Variants in HERC6 observed in about 807,000 individuals in gnomAD.
HERC6 encodes the protein HECT and RLD domain containing E3 ubiquitin protein ligase family member 6.
A neutral mutation model predicts 114.5 loss-of-function variants in HERC6; 101 were observed. The observed-to-expected ratio is 0.88, with a 90% CI of 0.75 to 1.04. The LOEUF (loss-of-function observed/expected upper bound fraction) is 1.04. HERC6 is among the 50% of genes least tolerant of loss of function. HERC6 has a pLI of 0.00. For synonymous variants in HERC6, 408 were observed against 436.2 expected, an observed-to-expected ratio of 0.94 and a Z score of 0.81; for missense variants, 1,133 against 1,230.9, an observed-to-expected ratio of 0.92 and a Z score of 1.19.
chr4:88,403,577 A>G (rs1477469910), intron 8 of HERC6, among the ~76,000 whole-genome samples: 1 of 151,954 alleles, frequency 6.6e-6, no homozygotes, highest in Non-Finnish European at 1.5e-5. Context: ...ACGCGGTGAA[A>G]CCCCGTCTCT....
chr4:88,431,367 T>A (rs1738187914), intron 17 of HERC6, 62 bp downstream of exon 17: 17 of 1,519,764 alleles, frequency 1.1e-5, no homozygotes, highest in Non-Finnish European at 1.5e-5. Context: ...TACTGCAACA[T>A]TAACACCATA....
chr4:88,384,927 G>A (rs747593566), intron 2 of HERC6, among the ~76,000 whole-genome samples: 1 of 152,118 alleles, frequency 6.6e-6, no homozygotes, highest in African/African-American at 2.4e-5. Flanking sequence ...GGAGGCTGAG[G>A]CAGTAGAATT....
At chr4:88,408,383 A>G in intron 10 of HERC6, 141 bp from the exon 11 acceptor site, 1 of 669,654 alleles carries the variant, frequency 1.5e-6, no homozygotes, top group Non-Finnish European at 2.7e-6. Context: ...TATGTCAAGT[A>G]AGTTGATTAT....
intron 3 of HERC6, among the ~76,000 whole-genome samples, chr4:88,385,870 G>A (rs1734549808): frequency 6.6e-6 from 1 of 152,112 alleles, no homozygotes; most frequent in Admixed American, 6.6e-5. Context: ...TATGCTGAAT[G>A]GCCTGTCCAC....
intron 5 of HERC6, among the ~76,000 whole-genome samples, chr4:88,394,832 A>G (rs1735141242): frequency 6.6e-6 from 1 of 152,212 alleles, no homozygotes; most frequent in Admixed American, 6.5e-5. Flanking sequence ...GGCATGAGCC[A>G]CTGCGCCCGG....
At chr4:88,381,654 T>G (rs1346295909) in intron 1 of HERC6, among the ~76,000 whole-genome samples, 1 of 150,524 alleles carries the variant, frequency 6.6e-6, no homozygotes, top group Non-Finnish European at 1.5e-5. Flanking sequence ...GCCTCCCCAG[T>G]TCAAACGGTT....
At chr4:88,400,261 C>A (rs930808968) in intron 8 of HERC6, among the ~76,000 whole-genome samples, 2 of 152,200 alleles carry the variant, frequency 1.3e-5, no homozygotes, top group Non-Finnish European at 2.9e-5. Flanking sequence ...GTTACCCAGG[C>A]TGGAGTCTTG....
At position 88,440,251 on chromosome 4, in the gene HERC6, G is replaced by A. The variant is rs373584413; in HGVS notation, c.2842+1G>A. ...TTGGATGAAAAGAAAAAATTCCTCT[G>A]TAAGTACTGTGGTACTAGATGGACA... On this transcript the variant is annotated splice_donor_variant, in intron 22 of 22. Coordinates refer to ENST00000264346, the MANE Select transcript of HERC6 (RefSeq NM_017912.4). LOFTEE classifies it high-confidence loss of function. 3 of 1,496,188 alleles carry A rather than the reference G, an allele frequency of 2.0e-6. No homozygotes were observed. Among genetic ancestry groups the A allele is most frequent in the African/African-American group, 1.4e-5 (1 of 72,412 alleles). The allele number at this position is 1,496,188 out of a possible 1,614,324, so 92.7% of individuals were successfully genotyped here. A position where few individuals can be genotyped will look rare whatever the true frequency, so the allele number is the denominator to read the frequency against.
chr4:88,407,441 C>T (rs751254018), intron 10 of HERC6, among the ~76,000 whole-genome samples: 7 of 152,078 alleles, frequency 4.6e-5, no homozygotes, highest in Admixed American at 6.6e-5. Context: ...TGTGCTGTTG[C>T]CCACGCTGTA....
chr4:88,442,146 C>G, intron 22 of HERC6, 88 bp from the exon 23 acceptor site: 1 of 901,124 alleles, frequency 1.1e-6, no homozygotes, highest in African/African-American at 1.7e-5. Context: ...TCAATAAATA[C>G]TTACTGAATG....
intron 8 of HERC6, among the ~76,000 whole-genome samples, chr4:88,400,309 C>T (rs886703076): frequency 5.3e-5 from 8 of 152,102 alleles, no homozygotes; most frequent in Non-Finnish European, 1.2e-4. Flanking sequence ...TTAAGCCATC[C>T]TCTCGCCTCA....
intron 22 of HERC6, among the ~76,000 whole-genome samples, chr4:88,441,653 A>G (rs1235996168): frequency 6.6e-6 from 1 of 152,166 alleles, no homozygotes; most frequent in Non-Finnish European, 1.5e-5. Flanking sequence ...TTTCTTCTTG[A>G]TATTTTTGTT....
At chr4:88,438,074 C>T (rs1738942521) in intron 20 of HERC6, among the ~76,000 whole-genome samples, 2 of 132,286 alleles carry the variant, frequency 1.5e-5, no homozygotes, top group South Asian at 2.4e-4. Context: ...TGCAGTGAGC[C>T]GGGATTGCGC....
intron 20 of HERC6, among the ~76,000 whole-genome samples, chr4:88,438,260 T>G (rs1355731104): frequency 1.3e-5 from 2 of 152,108 alleles, no homozygotes; most frequent in Non-Finnish European, 2.9e-5. Flanking sequence ...CCTTTGTAGC[T>G]CTTTTTACTA....
chr4:88,380,374 T>A (rs28581211), intron 1 of HERC6, among the ~76,000 whole-genome samples: 6 of 18,972 alleles, frequency 3.2e-4, no homozygotes, highest in Non-Finnish European at 4.1e-4. Flanking sequence ...AATATATAAA[T>A]ATATATATAT....
intron 22 of HERC6, 44 bp from the exon 23 acceptor site, chr4:88,442,190 A>G: frequency 4.5e-6 from 6 of 1,344,700 alleles, no homozygotes; most frequent in Non-Finnish European, 6.3e-6. Context: ...ATTATGTTTT[A>G]CTCTTTCTAT....
intron 4 of HERC6, 117 bp from the exon 5 acceptor site, chr4:88,393,371 A>T (rs1342109273): frequency 4.5e-6 from 2 of 440,096 alleles, no homozygotes; most frequent in Non-Finnish European, 7.8e-6. Flanking sequence ...GAATTATAAG[A>T]ATAATAAAAT....
rs764743783 is a variant in HERC6, at chr4:88,398,158, A to C, written c.1041A>C (p.Gln347His). ...LISAEDFVDV[Q>H]VKHIFAGTYA... The stretch of plus-strand genomic sequence containing the variant: ...TTCTTTTAGACTTCGTGGATGTTCA[A>C]GTCAAACACATTTTTGCTGGAACAT... The change falls in exon 8 of 23, where the codon CAA (glutamine) becomes CAC (histidine). Residue 347 changes from glutamine to histidine, a missense_variant. Gln to His is a conservative substitution (Grantham distance 24, BLOSUM62 0). This residue lies in a region of HERC6 where 735 missense variants were observed against 754.0 expected (regional missense o/e 0.97). Coordinates refer to ENST00000264346, the MANE Select transcript of HERC6 (RefSeq NM_017912.4). The C allele has an allele frequency of 6.3e-6, 10 of 1,596,512 alleles. No homozygotes were observed. The African/African-American group carries it at 8.1e-5, about 13-fold the overall frequency.
Position 88,442,767 on chromosome 4 carries a change from A to C in HERC6, c.*307A>C. 2.7e-6 allele frequency: 1 copy of C among 367,872 alleles called. No homozygotes were observed. The highest frequency in any genetic ancestry group is 5.1e-6 in the Non-Finnish European group (1 of 196,844). The allele number at this position is 367,872 out of a possible 1,614,324, so 22.8% of individuals were successfully genotyped here. A position where few individuals can be genotyped will look rare whatever the true frequency, so the allele number is the denominator to read the frequency against. On this transcript the variant is annotated 3_prime_UTR_variant, in exon 23 of 23. Coordinates refer to ENST00000264346, the MANE Select transcript of HERC6 (RefSeq NM_017912.4). ...TCATTTGCATAAGGTATCAAACCAC[A>C]TCAGCCTCTGATTGGCCATGGGCCA...
Sources: gnomAD v4.1 joint callset for allele counts (sites outside exome capture counted in the v4.1 genomes callset) on GRCh38, gnomAD v4.1.1 for gene constraint, gnomAD v4.1.1 regional missense constraint, MANE v1.5 for transcripts, NCBI Gene and HGNC (gene_info 2026-07-23, HGNC 2026-07-21) for gene names.